Variants in MORC3 observed in about 807,000 individuals in gnomAD.
MORC3 encodes MORC family CW-type zinc finger protein 3.
Under a neutral mutation model 109.1 loss-of-function variants are expected in MORC3, and 31 were observed. That is an observed-to-expected ratio of 0.28 (90% CI 0.21 to 0.38). MORC3 has a LOEUF of 0.38. Ranked by LOEUF, MORC3 falls within the 10% of genes least tolerant of loss-of-function variation. The probability of loss-of-function intolerance (pLI) is 1.00; values close to 1 mark genes in which losing one functional copy is unlikely to be tolerated. For missense variants in MORC3, 867 were observed against 1,135.8 expected, an observed-to-expected ratio of 0.76 and a Z score of 3.40; for synonymous variants, 395 against 380.7, an observed-to-expected ratio of 1.04 and a Z score of -0.44.
At chr21:36,339,461 T>A (rs2085413545) in intron 5 of MORC3, 1 of 131,136 alleles carries the variant, frequency 7.6e-6, no homozygotes, top group Non-Finnish European at 1.5e-5. Context: ...CAGTCTCCAT[T>A]AGCACTCTAT....
At chr21:36,349,465 A>T (rs1423564595) in intron 9 of MORC3, 57 bp downstream of exon 9, 7 of 1,123,688 alleles carry the variant, frequency 6.2e-6, no homozygotes, top group Non-Finnish European at 9.0e-6. Context: ...TTACCAAGAA[A>T]GCAGGAACTA....
chr21:36,372,333 T>G, intron 15 of MORC3, 41 bp from the exon 16 acceptor site: 5 of 1,468,730 alleles, frequency 3.4e-6, no homozygotes, highest in Non-Finnish European at 4.5e-6. Flanking sequence ...ATTAGTATTT[T>G]TAAGTTTTAC....
At chr21:36,346,108 C>T (rs1298081385) in intron 8 of MORC3, among the ~76,000 whole-genome samples, 1 of 152,186 alleles carries the variant, frequency 6.6e-6, no homozygotes, top group Non-Finnish European at 1.5e-5. Flanking sequence ...GCAACCTCCA[C>T]CTCCCTGGTT....
chr21:36,335,809 T>C (rs1166524667), intron 2 of MORC3, among the ~76,000 whole-genome samples: 2 of 152,246 alleles, frequency 1.3e-5, no homozygotes, highest in Non-Finnish European at 2.9e-5. Context: ...CATCCTTGTA[T>C]GTAACTTAGC....
Position 36,341,534 on chromosome 21 carries a change from C to T in MORC3, c.744C>T (p.Asp248=), listed in dbSNP as rs2085445736. The T allele has an allele frequency of 6.2e-7, 1 of 1,613,978 alleles. No homozygotes were observed. The highest frequency in any genetic ancestry group is 2.2e-5 in the East Asian group (1 of 44,880). ...TGGACCAGATTGCCCCTGAGAGTGA[C>T]TATTCCCTGAGGGTATGTATTCAGC... ...ERMDQIAPES[D]YSLRAYCSIL... is the part of the protein sequence containing the mutation. The change falls in exon 6 of 17, where the codon GAC becomes GAT. Residue 248 remains aspartate, a synonymous_variant. Coordinates refer to ENST00000400485, the MANE Select transcript of MORC3 (RefSeq NM_015358.3).
intron 1 of MORC3, among the ~76,000 whole-genome samples, chr21:36,333,069 G>A (rs1056204865): frequency 1.3e-5 from 2 of 152,198 alleles, no homozygotes; most frequent in African/African-American, 4.8e-5. Context: ...TTACAGGCAT[G>A]AGCCACTGCG....
Position 36,362,213 on chromosome 21 carries a change from G to T in MORC3, c.1437G>T (p.Pro479=), listed in dbSNP as rs752801331. 9.9e-6 allele frequency: 16 copies of T among 1,610,042 alleles called. No homozygotes were observed. In the African/African-American group the frequency reaches 2.2e-4, roughly 22 times the overall value. ...AGGAAAAATTCAGGATCAGACAACC[G>T]GAAATGATCCCTCGGGTAATTAAGC... ...TNKEKFRIRQ[P]EMIPRINAEL... Residue 479 remains proline (P), a synonymous_variant, in exon 13 of 17, where the codon CCG becomes CCT. Transcript: ENST00000400485.
At chr21:36,343,916 G>T (rs975153526) in intron 6 of MORC3, among the ~76,000 whole-genome samples, 1 of 152,010 alleles carries the variant, frequency 6.6e-6, no homozygotes, top group Non-Finnish European at 1.5e-5. Context: ...GTAAATAGCA[G>T]ATATTTACTG....
In MORC3 at chr21:36,370,340, G is replaced by C. The variant is rs566402091; in HGVS notation, c.2508+464G>C. 2.0e-5 allele frequency among the ~76,000 whole-genome samples: 3 copies of C among 152,120 alleles called. No individual in the cohort carries two copies. The South Asian group carries it at 6.2e-4, about 32-fold the overall frequency. Reference sequence around the variant, plus strand: ...TGGAGGCATATGGAATTGTGTAGGGGCATTTTTGGTTCTTCCAATGTCTTG... The same window carrying C: ...TGGAGGCATATGGAATTGTGTAGGGCCATTTTTGGTTCTTCCAATGTCTTG... On this transcript the variant is annotated intron_variant, in intron 15 of 16. Coordinates refer to ENST00000400485, the MANE Select transcript of MORC3 (RefSeq NM_015358.3).
intron 2 of MORC3, among the ~76,000 whole-genome samples, chr21:36,335,099 C>G (rs561534999): frequency 6.6e-6 from 1 of 152,038 alleles, no homozygotes; most frequent in African/African-American, 2.4e-5. Context: ...CCAGCCTGGG[C>G]TACAGTGAGA....
chr21:36,337,392 T>C (rs1030742219), intron 3 of MORC3, among the ~76,000 whole-genome samples: 3 of 152,214 alleles, frequency 2.0e-5, no homozygotes, highest in African/African-American at 7.2e-5. Context: ...TGGGTTATAC[T>C]CAGCTATTTA....
At chr21:36,372,102 C>T (rs148687892) in intron 15 of MORC3, among the ~76,000 whole-genome samples, 3,765 of 152,108 alleles carry the variant, frequency 0.025, 66 homozygotes, top group Admixed American at 0.046. Flanking sequence ...CGTGAGCCAC[C>T]ATGCCCGGCT....
chr21:36,375,448 A>AT lies in MORC3; in HGVS notation c.*154dup. ...TATGCATTCAAATGTGGTCACAAAT[A>AT]TTGTGGACACATTATCTTATGTTTT... On this transcript the variant is annotated 3_prime_UTR_variant, in exon 17 of 17. Coordinates refer to ENST00000400485, the MANE Select transcript of MORC3 (RefSeq NM_015358.3). The AT allele has an allele frequency of 1.5e-6, 1 of 652,446 alleles. No individual in the cohort carries two copies. Among genetic ancestry groups the AT allele is most frequent in the Non-Finnish European group, 2.5e-6 (1 of 405,416 alleles). The allele number at this position is 652,446 out of a possible 1,614,324, so 40.4% of individuals were successfully genotyped here. A position where few individuals can be genotyped will look rare whatever the true frequency, so the allele number is the denominator to read the frequency against.
At chr21:36,371,813 T>G (rs1316610365) in intron 15 of MORC3, among the ~76,000 whole-genome samples, 3 of 141,654 alleles carry the variant, frequency 2.1e-5, no homozygotes, top group African/African-American at 8.1e-5. Flanking sequence ...TTGTTTTGTT[T>G]TGTTTTTTTT....
intron 1 of MORC3, among the ~76,000 whole-genome samples, chr21:36,327,829 T>A (rs1282807083): frequency 6.9e-6 from 1 of 145,598 alleles, no homozygotes; most frequent in Non-Finnish European, 1.5e-5. Context: ...TTTTAGTCTG[T>A]TTTTGGAGGC....
chr21:36,364,866 A>T (rs184925091), intron 14 of MORC3, among the ~76,000 whole-genome samples: 1 of 152,098 alleles, frequency 6.6e-6, no homozygotes, highest in Admixed American at 6.6e-5. Context: ...AGCCTGGCCA[A>T]CATGGTGAAA....
At chr21:36,322,244 C>A (rs2085202150) in intron 1 of MORC3, among the ~76,000 whole-genome samples, 2 of 151,300 alleles carry the variant, frequency 1.3e-5, no homozygotes, top group Admixed American at 6.6e-5. Flanking sequence ...GGAATATAGC[C>A]AGAAACATTA....
chr21:36,349,956 A>G (rs1172697053), intron 9 of MORC3, among the ~76,000 whole-genome samples: 1 of 152,180 alleles, frequency 6.6e-6, no homozygotes, highest in African/African-American at 2.4e-5. Context: ...GTAACAGAGT[A>G]CCAGAACTTG....
chr21:36,371,337 T>TA (rs1196329242), intron 15 of MORC3, among the ~76,000 whole-genome samples: 4 of 152,144 alleles, frequency 2.6e-5, no homozygotes, highest in African/African-American at 9.7e-5. Context: ...CTCCTCAACT[T>TA]ATGATGGTGT....
Sources: gnomAD v4.1 joint callset for allele counts (sites outside exome capture counted in the v4.1 genomes callset) on GRCh38, gnomAD v4.1.1 for gene constraint, MANE v1.5 for transcripts, NCBI Gene and HGNC (gene_info 2026-07-23, HGNC 2026-07-21) for gene names.